Variants in EFHC2 observed in about 807,000 individuals in gnomAD.
The protein encoded by EFHC2 is EF-hand domain containing 2, also known as EF-hand domain-containing family member C2.
In EFHC2, 18 loss-of-function variants were observed where a neutral mutation model predicts 52.7. That is an observed-to-expected ratio of 0.34 (90% CI 0.24 to 0.51). The LOEUF is 0.51. Ranked by LOEUF, EFHC2 falls within the 20% of genes least tolerant of loss-of-function variation. The pLI is 0.97. For missense variants in EFHC2, 513 were observed against 562.5 expected (o/e 0.91, Z 0.89); for synonymous variants, 203 against 204.1 (o/e 0.99, Z 0.04).
At chrX:44,203,446 C>T (rs1224008106) in intron 11 of EFHC2, among the ~76,000 whole-genome samples, 2 of 111,606 alleles carry the variant, frequency 1.8e-5, no homozygotes, top group Admixed American at 1.9e-4. Context: ...TCACGGCCCA[C>T]AGCCACACAG....
At chrX:44,291,411 A>AT (rs2037791646) in intron 2 of EFHC2, among the ~76,000 whole-genome samples, 1 of 112,176 alleles carries the variant, frequency 8.9e-6, no homozygotes, top group Non-Finnish European at 1.9e-5. Context: ...CTTCCAAAGA[A>AT]TTTTTTTGTA....
chrX:44,212,510 G>C (rs1198048853), intron 11 of EFHC2, among the ~76,000 whole-genome samples: 1 of 110,038 alleles, frequency 9.1e-6, no homozygotes, highest in Non-Finnish European at 1.9e-5. Context: ...AGGGAAATAC[G>C]TGACTCCAGT....
chrX:44,173,035 C>G (rs1000532787), intron 13 of EFHC2, among the ~76,000 whole-genome samples: 1 of 111,602 alleles, frequency 9.0e-6, no homozygotes, highest in African/African-American at 3.3e-5. Context: ...AGGAAAAGAT[C>G]AAGCTGAATT....
At chrX:44,224,543 C>T (rs767939575) in intron 11 of EFHC2, among the ~76,000 whole-genome samples, 2 of 112,370 alleles carry the variant, frequency 1.8e-5, no homozygotes, top group African/African-American at 3.2e-5. Flanking sequence ...TTTAGTTTTA[C>T]AAGGGAGAAA....
At chrX:44,322,062 C>G (rs999466005) in intron 1 of EFHC2, among the ~76,000 whole-genome samples, 1 of 109,772 alleles carries the variant, frequency 9.1e-6, no homozygotes. Context: ...TCCCCTCCCC[C>G]ACCCCCAGCT....
At chrX:44,202,857 C>G (rs1405417882) in intron 11 of EFHC2, among the ~76,000 whole-genome samples, 1 of 111,136 alleles carries the variant, frequency 9.0e-6, no homozygotes, top group Non-Finnish European at 1.9e-5. Context: ...CACAGCCCAC[C>G]AAAGCATTCT....
At chrX:44,309,748 A>T in intron 2 of EFHC2, 1 of 974,975 alleles carries the variant, frequency 1.0e-6, no homozygotes, top group Non-Finnish European at 1.5e-6. Context: ...CTTGAGCCAG[A>T]ATATCGATGC....
At chrX:44,192,066 G>GTA (rs1177314982) in intron 11 of EFHC2, among the ~76,000 whole-genome samples, 1 of 102,984 alleles carries the variant, frequency 9.7e-6, no homozygotes, top group Non-Finnish European at 2.0e-5. Context: ...ATGTAAGTGT[G>GTA]TGTGTGTGTG....
At chrX:44,235,003 C>A (rs920662567) in intron 9 of EFHC2, among the ~76,000 whole-genome samples, 1 of 111,303 alleles carries the variant, frequency 9.0e-6, no homozygotes, top group Admixed American at 9.6e-5. Context: ...GATTTTGAAG[C>A]CCTTGGGTTC....
At chrX:44,311,143 T>C (rs1426721514) in intron 2 of EFHC2, among the ~76,000 whole-genome samples, 1 of 111,761 alleles carries the variant, frequency 8.9e-6, no homozygotes, top group Non-Finnish European at 1.9e-5. Context: ...CCAGAATTGT[T>C]TTTGAGCTTT....
At chrX:44,244,677 T>G (rs1267501583) in intron 7 of EFHC2, among the ~76,000 whole-genome samples, 1 of 112,137 alleles carries the variant, frequency 8.9e-6, no homozygotes, top group Non-Finnish European at 1.9e-5. Context: ...GGTGATTTTC[T>G]ATTCACCATC....
chrX:44,203,404 C>T (rs1406574607), intron 11 of EFHC2, among the ~76,000 whole-genome samples: 3 of 111,174 alleles, frequency 2.7e-5, no homozygotes, highest in African/African-American at 9.8e-5. Flanking sequence ...GCTCTGACCC[C>T]CACTCTAATG....
chrX:44,272,453 T>A (rs2037624298), intron 3 of EFHC2, among the ~76,000 whole-genome samples: 1 of 111,950 alleles, frequency 8.9e-6, no homozygotes, highest in South Asian at 3.7e-4. Flanking sequence ...CCTGAAAGGA[T>A]ACAAGTATGC....
chrX:44,242,392 T>G (rs1255348498), intron 7 of EFHC2, 103 bp from the exon 8 acceptor site: 2 of 910,695 alleles, frequency 2.2e-6, no homozygotes, highest in East Asian at 7.0e-5. Context: ...TGGAGATCTT[T>G]GTAGACTATT....
chrX:44,310,137 C>T (rs2037936031), intron 2 of EFHC2: 4 of 694,191 alleles, frequency 5.8e-6, no homozygotes, highest in Non-Finnish European at 7.1e-6. Flanking sequence ...TTCCCAGTGC[C>T]GAATGTCCTT....
intron 2 of EFHC2, among the ~76,000 whole-genome samples, chrX:44,276,238 C>T (rs2037656976): frequency 9.0e-6 from 1 of 111,184 alleles, no homozygotes; most frequent in African/African-American, 3.3e-5. Flanking sequence ...GCCTGGGTGA[C>T]ACATGGGTCC....
chrX:44,233,651 C>T (rs996440693), intron 9 of EFHC2, among the ~76,000 whole-genome samples: 22 of 111,579 alleles, frequency 2.0e-4, no homozygotes, highest in African/African-American at 5.2e-4. Flanking sequence ...TTTGTTCGCT[C>T]GCTGGGTGAT....
intron 11 of EFHC2, among the ~76,000 whole-genome samples, chrX:44,198,671 A>C (rs2036983726): frequency 9.0e-6 from 1 of 111,288 alleles, no homozygotes; most frequent in African/African-American, 3.3e-5. Context: ...ACAAGCTAAT[A>C]GGTGGCAGCA....
At chrX:44,305,779 G>A (rs1189793451) in intron 2 of EFHC2, among the ~76,000 whole-genome samples, 1 of 112,392 alleles carries the variant, frequency 8.9e-6, no homozygotes, top group East Asian at 2.8e-4. Context: ...ATGCCAACAA[G>A]GACCTAGGTT....
Sources: allele counts gnomAD v4.1 joint callset (sites outside exome capture counted in the v4.1 genomes callset), GRCh38; gene constraint gnomAD v4.1.1; transcripts MANE v1.5; gene names NCBI Gene and HGNC (gene_info 2026-07-23, HGNC 2026-07-21).